VMP1: variants seen among roughly 807,000 people sequenced by gnomAD.
VMP1 encodes the protein ectopic P-granules autophagy protein 3 homolog.
In VMP1, 11 loss-of-function variants were observed where a neutral mutation model predicts 56.0. The observed-to-expected ratio is 0.20, with a 90% CI of 0.12 to 0.32. VMP1 has a LOEUF of 0.32. Ranked by LOEUF, VMP1 falls within the 10% of genes least tolerant of loss-of-function variation. The pLI, the probability that VMP1 is intolerant of heterozygous loss-of-function variation, is 1.00. For synonymous variants in VMP1, 149 were observed against 165.0 expected (o/e 0.90, Z 0.74); for missense variants, 296 against 490.3 (o/e 0.60, Z 3.74).
At position 59,839,956 on chromosome 17, in the gene VMP1, GC is replaced by G. The variant is rs2039108206; in HGVS notation, c.*47del. ...GCAGAAATTGGAGTGGATGGGTTCT[GC>G]CTTAAATTGGGAGGACTCCAAGCCG... On this transcript the variant is annotated 3_prime_UTR_variant, in exon 12 of 12. Coordinates refer to ENST00000262291, the MANE Select transcript of VMP1 (RefSeq NM_030938.5). 3 of 1,587,864 alleles carry G rather than the reference GC, an allele frequency of 1.9e-6. No homozygotes were observed. In the South Asian group the frequency reaches 3.5e-5, roughly 18 times the overall value.
intron 2 of VMP1, among the ~76,000 whole-genome samples, chr17:59,735,114 G>A (rs183009156): frequency 1.2e-4 from 19 of 152,100 alleles, no homozygotes; most frequent in African/African-American, 4.6e-4. Flanking sequence ...GTTCCACCAT[G>A]TTGGCCAGGC....
At chr17:59,737,350 G>A (rs2035053894) in intron 3 of VMP1, 103 bp from the exon 4 acceptor site, 1 of 1,127,760 alleles carries the variant, frequency 8.9e-7, no homozygotes, top group Non-Finnish European at 1.2e-6. Flanking sequence ...GCTCAGCCCA[G>A]CTGAGCTAGG....
chr17:59,727,368 T>G (rs1368110532), intron 1 of VMP1, among the ~76,000 whole-genome samples: 1 of 152,066 alleles, frequency 6.6e-6, no homozygotes, highest in Admixed American at 6.6e-5. Context: ...TCTCCTGACC[T>G]CGTGATCTGC....
intron 7 of VMP1, among the ~76,000 whole-genome samples, chr17:59,804,220 A>G (rs2144189357): frequency 6.6e-6 from 1 of 152,314 alleles, no homozygotes; most frequent in South Asian, 2.1e-4. Context: ...CGTAACATAT[A>G]GAACATTTTG....
At chr17:59,757,806 G>A (rs916438722) in intron 5 of VMP1, among the ~76,000 whole-genome samples, 3 of 146,036 alleles carry the variant, frequency 2.1e-5, no homozygotes, top group Admixed American at 6.9e-5. Context: ...ATTTAACTTC[G>A]TCTAGAATAA....
chr17:59,739,723 CAA>C (rs35210425), intron 5 of VMP1, among the ~76,000 whole-genome samples: 484 of 41,580 alleles, frequency 0.012, 1 homozygote, highest in African/African-American at 0.04. Context: ...GACTCTGTCT[CAA>C]AAAAAAAAAA....
chr17:59,836,834 T>C (rs921211070), intron 10 of VMP1, among the ~76,000 whole-genome samples: 2 of 151,494 alleles, frequency 1.3e-5, no homozygotes, highest in Admixed American at 6.6e-5. Flanking sequence ...TATGTTAGCA[T>C]CTGATAAAAT....
intron 7 of VMP1, among the ~76,000 whole-genome samples, chr17:59,800,272 G>T (rs147581285): frequency 6.6e-6 from 1 of 152,102 alleles, no homozygotes; most frequent in African/African-American, 2.4e-5. Flanking sequence ...TTAATGATAC[G>T]TTATTAGGGT....
intron 7 of VMP1, among the ~76,000 whole-genome samples, chr17:59,788,804 TAAA>T (rs10640460): frequency 1.4e-5 from 2 of 138,658 alleles, no homozygotes; most frequent in African/African-American, 2.6e-5. Context: ...AGACTCCATC[TAAA>T]AAAAAAAAAA....
At chr17:59,814,150 C>T (rs1014943868) in intron 9 of VMP1, among the ~76,000 whole-genome samples, 2 of 152,050 alleles carry the variant, frequency 1.3e-5, no homozygotes, top group African/African-American at 2.4e-5. Context: ...CCAGCTAATT[C>T]TGTATTTTTA....
intron 6 of VMP1, among the ~76,000 whole-genome samples, chr17:59,771,352 G>C (rs1485901137): frequency 1.3e-5 from 2 of 151,866 alleles, no homozygotes; most frequent in East Asian, 3.9e-4. Context: ...TTTTGTAGAG[G>C]CAGGGTTTTG....
At chr17:59,749,088 T>C (rs1035212930) in intron 5 of VMP1, among the ~76,000 whole-genome samples, 1 of 150,862 alleles carries the variant, frequency 6.6e-6, no homozygotes, top group Non-Finnish European at 1.5e-5. Context: ...TAGCTGGAAT[T>C]ACAGGTGCCC....
intron 1 of VMP1, among the ~76,000 whole-genome samples, chr17:59,729,478 C>CAA (rs1222683335): frequency 3.6e-4 from 16 of 44,510 alleles, no homozygotes; most frequent in Middle Eastern, 0.016. Context: ...GACTCCATCT[C>CAA]AAAAAAAAAA....
At chr17:59,718,279 C>G (rs1224178825) in intron 1 of VMP1, among the ~76,000 whole-genome samples, 1 of 148,958 alleles carries the variant, frequency 6.7e-6, no homozygotes, top group Non-Finnish European at 1.5e-5. Context: ...TCACTGCAAC[C>G]TCTGCCTTCT....
At chr17:59,735,875 A>C (rs1204836174) in intron 3 of VMP1, 1 of 161,374 alleles carries the variant, frequency 6.2e-6, no homozygotes, top group Non-Finnish European at 1.4e-5. Context: ...CCAATGAAAA[A>C]GAACTCTGCC....
rs573158964 is a variant in VMP1 at position 59,833,471 on chromosome 17, T to C, written c.975-4824T>C. ...GAATTTGAGACCCACCTGGGCAACA[T>C]AGTGAGACTCCATCTCTACAAAATA... On this transcript the variant is annotated intron_variant, in intron 10 of 11. Transcript: ENST00000262291. 2.6e-5 allele frequency among the ~76,000 whole-genome samples: 4 copies of C among 152,146 alleles called. No homozygotes were observed. The East Asian group carries it at 7.7e-4, about 29-fold the overall frequency.
Position 59,755,128 on chromosome 17 carries a change from G to A in VMP1, c.415-9843G>A, listed in dbSNP as rs750057158. On this transcript the variant is annotated intron_variant, in intron 5 of 11. Transcript: ENST00000262291. Reference sequence around the variant, plus strand: ...TCTTTTTCTTTTTCTTTTTTTTTTAGACGGAGACTCACTCTGTCTCCCAGG... The same window carrying A: ...TCTTTTTCTTTTTCTTTTTTTTTTAAACGGAGACTCACTCTGTCTCCCAGG... Among the ~76,000 whole-genome samples the A allele has an allele frequency of 5.8e-4, 87 of 149,632 alleles. 1 individual carries two copies. Among genetic ancestry groups the A allele is most frequent in the Non-Finnish European group, 7.1e-4 (48 of 67,570 alleles).
intron 6 of VMP1, 66 bp from the exon 7 acceptor site, chr17:59,773,687 GT>G: frequency 6.9e-7 from 1 of 1,458,428 alleles, no homozygotes; most frequent in Admixed American, 2.3e-5. Flanking sequence ...AAGAGTATGG[GT>G]TTGATCTATT....
At chr17:59,802,061 C>CG (rs1269590047) in intron 7 of VMP1, among the ~76,000 whole-genome samples, 2 of 151,846 alleles carry the variant, frequency 1.3e-5, no homozygotes, top group African/African-American at 4.8e-5. Flanking sequence ...ATTAGCTGGG[C>CG]ATGGTGGCAC....
Sources: allele counts gnomAD v4.1 joint callset (sites outside exome capture counted in the v4.1 genomes callset), GRCh38; gene constraint gnomAD v4.1.1; transcripts MANE v1.5; gene names NCBI Gene and HGNC (gene_info 2026-07-23, HGNC 2026-07-21).